ANKDD1B: variants seen among roughly 807,000 people sequenced by gnomAD.
The protein encoded by ANKDD1B is ankyrin repeat and death domain containing 1B.
A neutral mutation model predicts 59.7 loss-of-function variants in ANKDD1B; 57 were observed. The ratio of observed to expected loss-of-function variants is 0.95; its 90% CI spans 0.77 to 1.19. The LOEUF (loss-of-function observed/expected upper bound fraction) is 1.19, where lower values mean the gene tolerates loss of function less well. Ranked by LOEUF, ANKDD1B falls within the 50% of genes most tolerant of loss-of-function variation. The probability of loss-of-function intolerance (pLI) is 0.00; values close to 1 mark genes in which losing one functional copy is unlikely to be tolerated. For synonymous variants in ANKDD1B, 216 were observed against 239.5 expected, an observed-to-expected ratio of 0.90 and a Z score of 0.91; for missense variants, 602 against 641.9, an observed-to-expected ratio of 0.94 and a Z score of 0.67.
intron 8 of ANKDD1B, among the ~76,000 whole-genome samples, chr5:75,655,546 C>G (rs1424204272): frequency 6.6e-6 from 1 of 152,188 alleles, no homozygotes; most frequent in African/African-American, 2.4e-5. Flanking sequence ...TTAACACTTA[C>G]TTATCCTTCA....
intron 10 of ANKDD1B, among the ~76,000 whole-genome samples, chr5:75,661,288 A>G (rs1490439882): frequency 6.7e-6 from 1 of 149,404 alleles, no homozygotes; most frequent in Non-Finnish European, 1.5e-5. Flanking sequence ...TCCCAGCTAC[A>G]GCGGGGGCTG....
chr5:75,654,218 ACT>A (rs968006586), intron 8 of ANKDD1B, among the ~76,000 whole-genome samples: 7 of 151,714 alleles, frequency 4.6e-5, no homozygotes, highest in African/African-American at 1.7e-4. Flanking sequence ...TGCTGGTGAC[ACT>A]CTTGCCAACT....
Position 75,663,459 on chromosome 5 carries a change from T to G in ANKDD1B, c.1161T>G (p.Ile387Met). The part of the protein sequence containing the change: ...SNHSLVVGML[I>M]KAERYYAWRE... ...ATAGCCTTGTCGTGGGCATGCTCAT[T>G]AAAGCAGAGAGATACTACGCCTGGA... The change falls in exon 11 of 14, where the codon ATT becomes ATG. Residue 387 changes from isoleucine to methionine, a missense_variant. This residue lies in a region of ANKDD1B where 280 missense variants were observed against 319.8 expected (regional missense o/e 0.88). Transcript: ENST00000601380. 1 of 1,536,420 alleles carries G rather than the reference T, an allele frequency of 6.5e-7. No homozygotes were observed. Among genetic ancestry groups the G allele is most frequent in the Non-Finnish European group, 8.7e-7 (1 of 1,146,930 alleles).
chr5:75,655,959 T>A (rs963918834), intron 8 of ANKDD1B, 70 bp from the exon 9 acceptor site: 2 of 704,056 alleles, frequency 2.8e-6, no homozygotes, highest in African/African-American at 3.6e-5. Context: ...GCTGCTGAAA[T>A]GAGTTGCTTT....
At position 75,638,196 on chromosome 5, in the gene ANKDD1B, A is replaced by G. The variant is rs181753236; in HGVS notation, c.798+2314A>G. Among the ~76,000 whole-genome samples the G allele has an allele frequency of 1.6e-3, 243 of 152,334 alleles. 2 individuals carry two copies. The highest frequency in any genetic ancestry group is 5.4e-3 in the African/African-American group (226 of 41,560). Reference sequence around the variant, plus strand: ...TCCCTGTTCTATTAAAACATGTTTAAACCACTGGAATATGTGCATGCATGT... The same window carrying G: ...TCCCTGTTCTATTAAAACATGTTTAGACCACTGGAATATGTGCATGCATGT... On this transcript the variant is annotated intron_variant, in intron 7 of 13. Coordinates refer to ENST00000601380, the MANE Select transcript of ANKDD1B (RefSeq NM_001276713.2).
intron 7 of ANKDD1B, among the ~76,000 whole-genome samples, chr5:75,649,975 A>T (rs75390121): frequency 0.015 from 2,354 of 152,306 alleles, 66 homozygotes; most frequent in African/African-American, 0.054. Context: ...GCACAAAATA[A>T]GTGCTCAATA....
At chr5:75,650,045 C>T (rs774027331) in intron 7 of ANKDD1B, among the ~76,000 whole-genome samples, 1 of 152,166 alleles carries the variant, frequency 6.6e-6, no homozygotes, top group African/African-American at 2.4e-5. Flanking sequence ...TACTGGCTCA[C>T]GTATCCTCCC....
At chr5:75,626,402 C>A (rs1773997492) in intron 5 of ANKDD1B, among the ~76,000 whole-genome samples, 2 of 152,180 alleles carry the variant, frequency 1.3e-5, no homozygotes, top group Admixed American at 1.3e-4. Flanking sequence ...TATAACAATA[C>A]CAGCTACTAC....
intron 7 of ANKDD1B, among the ~76,000 whole-genome samples, chr5:75,640,326 G>A (rs1041026014): frequency 3.9e-5 from 6 of 152,146 alleles, no homozygotes; most frequent in African/African-American, 1.4e-4. Flanking sequence ...ATTACAGGCC[G>A]AGCCACTGAA....
intron 3 of ANKDD1B, among the ~76,000 whole-genome samples, chr5:75,622,262 C>G (rs771271165): frequency 6.6e-6 from 1 of 152,242 alleles, no homozygotes; most frequent in Non-Finnish European, 1.5e-5. Context: ...GGACTTGAAG[C>G]ATGCACATCA....
chr5:75,638,817 T>TAC (rs1206983621), intron 7 of ANKDD1B, among the ~76,000 whole-genome samples: 1 of 152,196 alleles, frequency 6.6e-6, no homozygotes, highest in Non-Finnish European at 1.5e-5. Context: ...TGATGGATTT[T>TAC]ACTACCAGTT....
At chr5:75,666,721 A>T (rs80063566) in intron 11 of ANKDD1B, 71 bp from the exon 12 acceptor site, 2 of 1,163,962 alleles carry the variant, frequency 1.7e-6, no homozygotes, top group Non-Finnish European at 2.5e-6. Context: ...TTTGAAAAAC[A>T]TATATACTCT....
At chr5:75,612,339 CGCCCCCGCCCT>C (rs1773590396) in intron 1 of ANKDD1B, among the ~76,000 whole-genome samples, 4 of 113,134 alleles carry the variant, frequency 3.5e-5, no homozygotes, top group African/African-American at 1.3e-4. Context: ...CCCTCCGCCC[CGCCCCCGCCCT>C]CCGCCCCGCG....
intron 6 of ANKDD1B, 31 bp from the exon 7 acceptor site, chr5:75,635,753 G>T: frequency 7.2e-7 from 1 of 1,393,822 alleles, no homozygotes; most frequent in South Asian, 1.3e-5. Flanking sequence ...CTGGCACAGG[G>T]GTTTCTACGT....
At position 75,634,887 on chromosome 5, in the gene ANKDD1B, T is replaced by C. The variant is rs1290946048; in HGVS notation, c.601-11T>C. On this transcript the variant is annotated splice_polypyrimidine_tract_variant and intron_variant, in intron 5 of 13. Transcript: ENST00000601380. ...TGTAATAAATGCTTGAGGTTTGTGATTGATTTTTAGAAAGGAAGAAAACCA... is the reference window on the plus strand; with the variant it reads ...TGTAATAAATGCTTGAGGTTTGTGACTGATTTTTAGAAAGGAAGAAAACCA... 4.7e-6 allele frequency: 7 copies of C among 1,502,964 alleles called. No homozygotes were observed. Among genetic ancestry groups the C allele is most frequent in the Non-Finnish European group, 5.4e-6 (6 of 1,116,804 alleles). 93.1% of individuals were successfully genotyped at this position (1,502,964 alleles called of 1,614,324 possible).
chr5:75,634,020 C>G (rs1342943429), intron 5 of ANKDD1B, among the ~76,000 whole-genome samples: 2 of 152,182 alleles, frequency 1.3e-5, no homozygotes, highest in Non-Finnish European at 2.9e-5. Context: ...TGTGAAAGCC[C>G]TCACCAGAAG....
chr5:75,636,500 G>A (rs1774308425), intron 7 of ANKDD1B, among the ~76,000 whole-genome samples: 1 of 152,200 alleles, frequency 6.6e-6, no homozygotes, highest in Non-Finnish European at 1.5e-5. Flanking sequence ...GAAAGGCCAT[G>A]CTTTACAAGA....
At chr5:75,612,948 A>T (rs888718938) in intron 1 of ANKDD1B, among the ~76,000 whole-genome samples, 2 of 152,358 alleles carry the variant, frequency 1.3e-5, no homozygotes, top group Middle Eastern at 3.4e-3. Context: ...AGCAAAGGAA[A>T]AAGAGCCAGT....
intron 7 of ANKDD1B, among the ~76,000 whole-genome samples, chr5:75,640,066 T>C (rs1774423596): frequency 6.6e-6 from 1 of 151,882 alleles, no homozygotes; most frequent in Admixed American, 6.6e-5. Flanking sequence ...TGTTTTGAGA[T>C]GAGGTCTCAC....
Sources: gnomAD v4.1 joint callset for allele counts (sites outside exome capture counted in the v4.1 genomes callset) on GRCh38, gnomAD v4.1.1 for gene constraint, gnomAD v4.1.1 regional missense constraint, MANE v1.5 for transcripts, NCBI Gene and HGNC (gene_info 2026-07-23, HGNC 2026-07-21) for gene names.